HMGN5: variants seen among roughly 807,000 people sequenced by gnomAD.
The protein encoded by HMGN5 is high mobility group nucleosome binding domain 5, also known as high mobility group nucleosome-binding domain-containing protein 5.
Under a neutral mutation model 9.5 loss-of-function variants are expected in HMGN5, and 4 were observed. The ratio of observed to expected loss-of-function variants is 0.42; its 90% CI spans 0.21 to 0.96. The LOEUF (loss-of-function observed/expected upper bound fraction) is 0.96. HMGN5 is among the 40% of genes least tolerant of loss of function. The probability of loss-of-function intolerance (pLI) is 0.30; values close to 1 mark genes in which losing one functional copy is unlikely to be tolerated. For synonymous variants in HMGN5, 55 were observed against 57.1 expected (o/e 0.96, Z 0.16); for missense variants, 192 against 187.5 (o/e 1.02, Z -0.14).
intron 1 of HMGN5, among the ~76,000 whole-genome samples, chrX:81,122,851 A>G (rs1366496299): frequency 9.0e-6 from 1 of 110,648 alleles, no homozygotes; most frequent in Non-Finnish European, 1.9e-5. Context: ...ATTGATGAAT[A>G]AATTACTTGG....
chrX:81,163,706 T>C (rs1242792609), intron 1 of HMGN5, among the ~76,000 whole-genome samples: 1 of 111,827 alleles, frequency 8.9e-6, no homozygotes, highest in East Asian at 2.8e-4. Flanking sequence ...TCATAAGTAA[T>C]ATTGTCTCTC....
chrX:81,137,752 T>C (rs2075315475), intron 1 of HMGN5, among the ~76,000 whole-genome samples: 1 of 111,590 alleles, frequency 9.0e-6, no homozygotes, highest in African/African-American at 3.2e-5. Context: ...AGAAAATTGA[T>C]ACAATTAAAA....
At chrX:81,167,528 T>C (rs900883857) in intron 1 of HMGN5, among the ~76,000 whole-genome samples, 6 of 111,788 alleles carry the variant, frequency 5.4e-5, no homozygotes, top group Non-Finnish European at 1.1e-4. Context: ...ATTACTTTTC[T>C]AAATGCCACA....
chrX:81,177,227 G>C (rs1387150501), intron 1 of HMGN5, among the ~76,000 whole-genome samples: 1 of 107,452 alleles, frequency 9.3e-6, no homozygotes, highest in African/African-American at 3.4e-5. Context: ...TTTCAACCCA[G>C]AATTTCATAT....
chrX:81,154,658 C>T (rs562974102), intron 1 of HMGN5, among the ~76,000 whole-genome samples: 2 of 110,420 alleles, frequency 1.8e-5, no homozygotes, highest in Admixed American at 1.9e-4. Flanking sequence ...GGAGCTCAGA[C>T]AACTCTATAG....
intron 1 of HMGN5, among the ~76,000 whole-genome samples, chrX:81,132,540 T>G (rs2075300260): frequency 9.0e-6 from 1 of 110,996 alleles, no homozygotes. Flanking sequence ...GAAATAAGAC[T>G]GCACAACTAA....
At chrX:81,180,944 C>T (rs2075461103) in intron 1 of HMGN5, among the ~76,000 whole-genome samples, 1 of 110,962 alleles carries the variant, frequency 9.0e-6, no homozygotes, top group Non-Finnish European at 1.9e-5. Flanking sequence ...CAAACTATCA[C>T]AAGGACAGAA....
chrX:81,129,844 TTAGCAAAG>T (rs1421980932), intron 1 of HMGN5, among the ~76,000 whole-genome samples: 1 of 110,894 alleles, frequency 9.0e-6, no homozygotes, highest in African/African-American at 3.3e-5. Flanking sequence ...AAGTGAGTTA[TTAGCAAAG>T]TAGAGACTAG....
intron 1 of HMGN5, among the ~76,000 whole-genome samples, chrX:81,142,428 C>T (rs1392689424): frequency 9.0e-6 from 1 of 111,270 alleles, no homozygotes; most frequent in Non-Finnish European, 1.9e-5. Flanking sequence ...AGTCAAACTC[C>T]CAAATACAAA....
intron 1 of HMGN5, among the ~76,000 whole-genome samples, chrX:81,128,965 A>G: frequency 8.9e-6 from 1 of 112,037 alleles, no homozygotes; most frequent in Non-Finnish European, 1.9e-5. Context: ...TACACTGGCT[A>G]GGTTCTTGAA....
chrX:81,136,093 C>T (rs1395790237), intron 1 of HMGN5, among the ~76,000 whole-genome samples: 1 of 111,829 alleles, frequency 8.9e-6, no homozygotes, highest in Middle Eastern at 4.2e-3. Flanking sequence ...GCCTCCAGAA[C>T]TGTGAGCTAA....
intron 1 of HMGN5, among the ~76,000 whole-genome samples, chrX:81,191,110 A>G (rs1007327842): frequency 6.3e-5 from 7 of 111,725 alleles, no homozygotes; most frequent in African/African-American, 1.6e-4. Context: ...ATACCATTCT[A>G]TTTACATATT....
At chrX:81,197,275 A>G (rs1056782238) in intron 1 of HMGN5, among the ~76,000 whole-genome samples, 1 of 112,349 alleles carries the variant, frequency 8.9e-6, no homozygotes, top group Non-Finnish European at 1.9e-5. Context: ...TGTAAACTCC[A>G]AATTGTTTTC....
At chrX:81,145,050 A>G (rs1470542897) in intron 1 of HMGN5, among the ~76,000 whole-genome samples, 2 of 111,946 alleles carry the variant, frequency 1.8e-5, no homozygotes, top group Admixed American at 1.9e-4. Flanking sequence ...TGACGGGGAG[A>G]ATGGAACCAA....
At chrX:81,143,982 A>G (rs894595596) in intron 1 of HMGN5, among the ~76,000 whole-genome samples, 1 of 111,916 alleles carries the variant, frequency 8.9e-6, no homozygotes, top group Admixed American at 9.4e-5. Context: ...TCTCTGAAAA[A>G]AAGGCAGCCG....
chrX:81,172,824 T>C (rs893663546), intron 1 of HMGN5, among the ~76,000 whole-genome samples: 2 of 111,023 alleles, frequency 1.8e-5, no homozygotes, highest in Non-Finnish European at 3.8e-5. Context: ...TTTTAGAAAC[T>C]GATAAGACAT....
chrX:81,133,454 A>G (rs1001252534), intron 1 of HMGN5, among the ~76,000 whole-genome samples: 1 of 111,882 alleles, frequency 8.9e-6, no homozygotes, highest in African/African-American at 3.2e-5. Context: ...CATGGAATCA[A>G]CCTAGATGTT....
chrX:81,187,535 G>A (rs1200688468), intron 1 of HMGN5, among the ~76,000 whole-genome samples: 1 of 109,955 alleles, frequency 9.1e-6, no homozygotes, highest in African/African-American at 3.3e-5. Context: ...CTCTTTTTTT[G>A]TTTCCATTGG....
intron 1 of HMGN5, among the ~76,000 whole-genome samples, chrX:81,178,051 A>G (rs2075448544): frequency 8.9e-6 from 1 of 112,032 alleles, no homozygotes; most frequent in South Asian, 3.7e-4. Flanking sequence ...AATCTCTGGG[A>G]CACTTTTAAA....
Sources: gnomAD v4.1 joint callset for allele counts (sites outside exome capture counted in the v4.1 genomes callset) on GRCh38, gnomAD v4.1.1 for gene constraint, MANE v1.5 for transcripts, NCBI Gene and HGNC (gene_info 2026-07-23, HGNC 2026-07-21) for gene names.